TRAPPC8: variants seen among roughly 807,000 people sequenced by gnomAD.
TRAPPC8 encodes trafficking protein particle complex subunit 8.
Under a neutral mutation model 174.3 loss-of-function variants are expected in TRAPPC8, and 54 were observed. The ratio of observed to expected loss-of-function variants is 0.31; its 90% CI spans 0.25 to 0.39. The LOEUF is 0.39. TRAPPC8 is among the 10% of genes least tolerant of loss of function. TRAPPC8 has a pLI of 1.00. For synonymous variants in TRAPPC8, 630 were observed against 579.9 expected (o/e 1.09, Z -1.24); for missense variants, 1,531 against 1,699.1 (o/e 0.90, Z 1.74).
At chr18:31,867,143 T>G (rs1461156914) in intron 17 of TRAPPC8, among the ~76,000 whole-genome samples, 168 bp from the exon 18 acceptor site, 1 of 152,176 alleles carries the variant, frequency 6.6e-6, no homozygotes, top group Admixed American at 6.5e-5. Flanking sequence ...AATTTAACAA[T>G]TATAGGCCTA....
intron 19 of TRAPPC8, among the ~76,000 whole-genome samples, chr18:31,863,978 G>T (rs2034458987): frequency 6.8e-6 from 1 of 147,052 alleles, no homozygotes; most frequent in Non-Finnish European, 1.5e-5. Flanking sequence ...TAATACTAAA[G>T]TATTATAGAA....
chr18:31,907,426 G>C (rs2036710579), intron 9 of TRAPPC8, 34 bp downstream of exon 9: 1 of 1,520,994 alleles, frequency 6.6e-7, no homozygotes, highest in Non-Finnish European at 8.8e-7. Context: ...TATGGTAGCA[G>C]AATTAAGGAA....
intron 5 of TRAPPC8, among the ~76,000 whole-genome samples, chr18:31,912,410 G>C (rs756834582): frequency 3.9e-5 from 6 of 152,048 alleles, no homozygotes; most frequent in East Asian, 1.9e-4. Context: ...AGAACTGCTT[G>C]AACATGGGAA....
chr18:31,897,045 A>G (rs991286528), intron 11 of TRAPPC8, among the ~76,000 whole-genome samples: 2 of 152,202 alleles, frequency 1.3e-5, no homozygotes, highest in African/African-American at 2.4e-5. Context: ...CCCAAAACGT[A>G]AAGAGTTAAA....
At chr18:31,918,885 TCA>T (rs2037258566) in intron 2 of TRAPPC8, among the ~76,000 whole-genome samples, 1 of 152,222 alleles carries the variant, frequency 6.6e-6, no homozygotes, top group Middle Eastern at 3.2e-3. Context: ...ATTATCTATA[TCA>T]CAGTTTTACT....
chr18:31,870,771 C>T (rs2034816699), intron 15 of TRAPPC8, among the ~76,000 whole-genome samples, 155 bp downstream of exon 15: 1 of 152,220 alleles, frequency 6.6e-6, no homozygotes, highest in African/African-American at 2.4e-5. Context: ...AAGAGTCCCC[C>T]TTGTCTGGTT....
chr18:31,925,064 A>T (rs2145592419), intron 2 of TRAPPC8, among the ~76,000 whole-genome samples: 1 of 152,228 alleles, frequency 6.6e-6, no homozygotes, highest in Non-Finnish European at 1.5e-5. Context: ...GCAACCCTTA[A>T]ACCTATTCTT....
At position 31,917,642 on chromosome 18, in the gene TRAPPC8, G is replaced by C; in HGVS notation, c.378C>G (p.Tyr126Ter). ...ISATTPWFES[Y>*]RETFLQSMPA... ...GCATCGACTGAAGAAAGGTTTCTCT[G>C]TAAGACTCAAACCATGGAGTAGTGG... The change falls in exon 3 of 29, where the codon TAC becomes TAG. Residue 126 changes from tyrosine to a stop codon, truncating the protein, a stop_gained. Coordinates refer to ENST00000283351, the MANE Select transcript of TRAPPC8 (RefSeq NM_014939.5). LOFTEE classifies it high-confidence loss of function. The C allele has an allele frequency of 6.2e-7, 1 of 1,613,162 alleles. No homozygotes were observed. Among genetic ancestry groups the C allele is most frequent in the Non-Finnish European group, 8.5e-7 (1 of 1,179,668 alleles).
intron 2 of TRAPPC8, 133 bp downstream of exon 2, chr18:31,931,196 C>T: frequency 1.4e-6 from 1 of 739,432 alleles, no homozygotes. Context: ...GGACTGTTTT[C>T]AACATTGTAT....
rs984768106 is a variant in TRAPPC8, at chr18:31,904,104, C to T, written c.1390-3079G>A. Reference sequence around the variant, plus strand: ...TATAAAAATTAGCCACACGTGGTGGCGCATGCCTATAGTCCCAGCTACTGT... The same window carrying T: ...TATAAAAATTAGCCACACGTGGTGGTGCATGCCTATAGTCCCAGCTACTGT... On this transcript the variant is annotated intron_variant, in intron 9 of 28. Coordinates refer to ENST00000283351, the MANE Select transcript of TRAPPC8 (RefSeq NM_014939.5). 5.3e-5 allele frequency among the ~76,000 whole-genome samples: 8 copies of T among 151,908 alleles called. No homozygotes were observed. In the East Asian group the frequency reaches 5.8e-4, roughly 11 times the overall value.
chr18:31,912,758 C>T (rs148071686), intron 5 of TRAPPC8, among the ~76,000 whole-genome samples: 1 of 152,280 alleles, frequency 6.6e-6, no homozygotes, highest in East Asian at 1.9e-4. Context: ...ATTAAACAGA[C>T]AAGTCAGAAA....
chr18:31,902,799 C>T (rs1042404047), intron 9 of TRAPPC8, among the ~76,000 whole-genome samples: 11 of 152,144 alleles, frequency 7.2e-5, no homozygotes, highest in African/African-American at 2.6e-4. Context: ...GCCTGTAATC[C>T]AGCACTTTGG....
chr18:31,852,346 A>T, intron 24 of TRAPPC8, 100 bp downstream of exon 24: 1 of 1,394,342 alleles, frequency 7.2e-7, no homozygotes, highest in Non-Finnish European at 9.9e-7. Flanking sequence ...CCCCCCCAAA[A>T]AAAAGCGTTT....
intron 24 of TRAPPC8, among the ~76,000 whole-genome samples, chr18:31,851,833 C>G (rs974949870): frequency 6.6e-6 from 1 of 151,962 alleles, no homozygotes; most frequent in Non-Finnish European, 1.5e-5. Context: ...TCCATTGTGA[C>G]CACTTTCCCT....
intron 1 of TRAPPC8, among the ~76,000 whole-genome samples, chr18:31,933,917 T>G (rs576526034): frequency 6.6e-6 from 1 of 152,294 alleles, no homozygotes; most frequent in African/African-American, 2.4e-5. Context: ...CCGGGCATGG[T>G]GTCTCACTGT....
intron 11 of TRAPPC8, 46 bp downstream of exon 11, chr18:31,897,740 A>C: frequency 1.5e-6 from 2 of 1,322,906 alleles, no homozygotes; most frequent in Non-Finnish European, 2.0e-6. Context: ...TTTTTAAAAA[A>C]AAAAGAACAA....
intron 11 of TRAPPC8, among the ~76,000 whole-genome samples, chr18:31,895,442 A>G (rs1305572537): frequency 6.6e-6 from 1 of 152,200 alleles, no homozygotes; most frequent in Non-Finnish European, 1.5e-5. Flanking sequence ...ACCACATGGC[A>G]GCAAATAACA....
At chr18:31,832,632 A>G (rs2032441709) in intron 27 of TRAPPC8, 1 of 152,210 alleles carries the variant, frequency 6.6e-6, no homozygotes, top group Non-Finnish European at 1.5e-5. Context: ...TCATGTTTTG[A>G]AGAATATAAG....
chr18:31,891,356 T>C (rs933524075), intron 11 of TRAPPC8: 1 of 152,198 alleles, frequency 6.6e-6, no homozygotes, highest in Non-Finnish European at 1.5e-5. Flanking sequence ...TTTTACTGCA[T>C]TTAAAGGAAT....
Sources: gnomAD v4.1 joint callset for allele counts (sites outside exome capture counted in the v4.1 genomes callset) on GRCh38, gnomAD v4.1.1 for gene constraint, MANE v1.5 for transcripts, NCBI Gene and HGNC (gene_info 2026-07-23, HGNC 2026-07-21) for gene names.